The following CECR2 variants were observed in gnomAD, a reference collection of about 807,000 sequenced individuals.
CECR2 encodes the protein chromatin remodeling regulator CECR2.
CECR2 carries 30 observed loss-of-function variants against 154.5 expected under a neutral mutation model. That is an observed-to-expected ratio of 0.19 (90% CI 0.15 to 0.26). The LOEUF is 0.26. Among genes scored for constraint, CECR2 ranks in the 10% least tolerant of loss-of-function variants. The pLI is 1.00. For missense variants in CECR2, 1,743 were observed against 1,829.3 expected (o/e 0.95, Z 0.86); for synonymous variants, 725 against 683.7 (o/e 1.06, Z -0.94).
intron 3 of CECR2, among the ~76,000 whole-genome samples, 194 bp downstream of exon 3, chr22:17,497,780 A>G (rs900823589): frequency 6.6e-6 from 1 of 152,128 alleles, no homozygotes; most frequent in Non-Finnish European, 1.5e-5. Context: ...GTACATCCCT[A>G]TGGAAGTACG....
intron 7 of CECR2, among the ~76,000 whole-genome samples, chr22:17,505,657 C>T (rs904557210): frequency 6.6e-6 from 1 of 151,072 alleles, no homozygotes; most frequent in African/African-American, 2.4e-5. Flanking sequence ...CCTCAGCCTC[C>T]TGAGTAGCTG....
intron 16 of CECR2, among the ~76,000 whole-genome samples, chr22:17,543,555 C>G (rs1473695847): frequency 6.8e-6 from 1 of 146,066 alleles, no homozygotes; most frequent in Non-Finnish European, 1.5e-5. Flanking sequence ...GCCAGGCACT[C>G]CTCCTGAGAC....
chr22:17,481,470 A>G (rs1418482254), intron 2 of CECR2, among the ~76,000 whole-genome samples: 1 of 152,152 alleles, frequency 6.6e-6, no homozygotes, highest in Non-Finnish European at 1.5e-5. Context: ...AGTGAGAGTA[A>G]TCATCATGAA....
chr22:17,523,434 T>G (rs2056193341), intron 8 of CECR2, among the ~76,000 whole-genome samples: 1 of 151,750 alleles, frequency 6.6e-6, no homozygotes, highest in Non-Finnish European at 1.5e-5. Flanking sequence ...CCTAGTATAC[T>G]TTTTAAAACT....
chr22:17,509,124 G>A (rs1427987831), intron 7 of CECR2, among the ~76,000 whole-genome samples: 2 of 152,172 alleles, frequency 1.3e-5, no homozygotes, highest in African/African-American at 4.8e-5. Flanking sequence ...GGTGATGGGT[G>A]CCTGTAATTC....
intron 8 of CECR2, among the ~76,000 whole-genome samples, chr22:17,522,682 T>G (rs1396660414): frequency 1.3e-5 from 2 of 152,198 alleles, no homozygotes; most frequent in African/African-American, 2.4e-5. Flanking sequence ...GGCTCATAGA[T>G]TTTTGAATGG....
At chr22:17,514,819 G>A (rs2056021433) in intron 8 of CECR2, among the ~76,000 whole-genome samples, 1 of 152,070 alleles carries the variant, frequency 6.6e-6, no homozygotes. Flanking sequence ...AGATCACAAG[G>A]TCAGGAGATC....
Position 17,416,920 on chromosome 22 carries a change from C to T in CECR2, c.126+47011C>T, listed in dbSNP as rs1378349769. Among the ~76,000 whole-genome samples the T allele has an allele frequency of 3.3e-5, 5 of 152,068 alleles. No homozygotes were observed. The East Asian group carries it at 7.7e-4, about 24-fold the overall frequency. Reference sequence around the variant, plus strand: ...AGCACCATTGGATACCAAATGTGCACATTTATGATTATTTCCATATAGTAA... The same window carrying T: ...AGCACCATTGGATACCAAATGTGCATATTTATGATTATTTCCATATAGTAA... On this transcript the variant is annotated intron_variant, in intron 1 of 18. Transcript: ENST00000262608.
chr22:17,520,950 A>G (rs149325560), intron 8 of CECR2, among the ~76,000 whole-genome samples: 9,441 of 152,176 alleles, frequency 0.062, 712 homozygotes, highest in African/African-American at 0.18. Context: ...CTTTGGGTAT[A>G]TACCCAGTAA....
intron 8 of CECR2, among the ~76,000 whole-genome samples, chr22:17,517,513 A>G (rs75401111): frequency 0.022 from 3,385 of 152,340 alleles, 123 homozygotes; most frequent in African/African-American, 0.078. Context: ...AAGCCACACA[A>G]TAAATGCAAA....
At chr22:17,383,003 G>A (rs532784931) in intron 1 of CECR2, among the ~76,000 whole-genome samples, 4 of 152,238 alleles carry the variant, frequency 2.6e-5, no homozygotes, top group Admixed American at 1.3e-4. Context: ...CGAGGCGGGT[G>A]GATCATGAGG....
At chr22:17,499,222 C>T (rs2055691008) in intron 3 of CECR2, among the ~76,000 whole-genome samples, 188 bp from the exon 4 acceptor site, 1 of 152,138 alleles carries the variant, frequency 6.6e-6, no homozygotes, top group South Asian at 2.1e-4. Flanking sequence ...AACTCCTGAC[C>T]CCATGATTTG....
intron 1 of CECR2, among the ~76,000 whole-genome samples, chr22:17,382,132 C>T (rs1273287085): frequency 1.7e-4 from 26 of 151,982 alleles, no homozygotes; most frequent in Non-Finnish European, 2.4e-4. Flanking sequence ...CCTTGTGATC[C>T]GCCCGCCTTG....
intron 2 of CECR2, among the ~76,000 whole-genome samples, chr22:17,497,019 C>T (rs563642076): frequency 4.6e-5 from 7 of 152,156 alleles, no homozygotes; most frequent in East Asian, 1.9e-4. Flanking sequence ...CTGGGCCAAG[C>T]GTGTTACCTC....
At chr22:17,446,076 A>ATTGT (rs2054657259) in intron 1 of CECR2, among the ~76,000 whole-genome samples, 1 of 152,194 alleles carries the variant, frequency 6.6e-6, no homozygotes, top group South Asian at 2.1e-4. Flanking sequence ...TGGTGCCAGC[A>ATTGT]TCACCTAGGA....
At chr22:17,427,373 T>C (rs1249827888) in intron 1 of CECR2, among the ~76,000 whole-genome samples, 1 of 152,220 alleles carries the variant, frequency 6.6e-6, no homozygotes, top group Non-Finnish European at 1.5e-5. Context: ...TTTGGGTATA[T>C]ACCCAGTAAT....
chr22:17,542,347 C>T lies in CECR2; in HGVS notation c.2204C>T (p.Pro735Leu), dbSNP rs1003666211. 1.2e-6 allele frequency: 2 copies of T among 1,613,794 alleles called. No homozygotes were observed. Among genetic ancestry groups the T allele is most frequent in the East Asian group, 2.2e-5 (1 of 44,866 alleles). ...GCTCAGTTCCAGCCAGGATTCATTCCTCCCCGGCATGGGGGGGCTCCAGCC... is the reference window on the plus strand; with the variant it reads ...GCTCAGTTCCAGCCAGGATTCATTCTTCCCCGGCATGGGGGGGCTCCAGCC... ...APAQFQPGFI[P>L]PRHGGAPARP... Residue 735 changes from proline (P) to leucine (L), a missense_variant, in exon 16 of 19, where the codon CCT becomes CTT. Transcript: ENST00000262608.
chr22:17,534,572 A>G (rs1030069821), intron 9 of CECR2, among the ~76,000 whole-genome samples: 56 of 151,592 alleles, frequency 3.7e-4, no homozygotes, highest in Non-Finnish European at 4.3e-4. Flanking sequence ...CAGTGGCACA[A>G]TCTCAGCTCA....
At chr22:17,485,722 A>G (rs942913341) in intron 2 of CECR2, among the ~76,000 whole-genome samples, 2 of 152,144 alleles carry the variant, frequency 1.3e-5, no homozygotes, top group African/African-American at 4.8e-5. Context: ...TGCAGTGGAG[A>G]TGGTGCCACT....
Sources: allele counts gnomAD v4.1 joint callset (sites outside exome capture counted in the v4.1 genomes callset), GRCh38; gene constraint gnomAD v4.1.1; transcripts MANE v1.5; gene names NCBI Gene and HGNC (gene_info 2026-07-23, HGNC 2026-07-21).